ATP6V0D1: variants seen among roughly 807,000 people sequenced by gnomAD.
ATP6V0D1 encodes V-type proton ATPase subunit d 1.
Under a neutral mutation model 39.0 loss-of-function variants are expected in ATP6V0D1, and 13 were observed. The ratio of observed to expected loss-of-function variants is 0.33; its 90% CI spans 0.22 to 0.53. The LOEUF is 0.53. Among genes scored for constraint, ATP6V0D1 ranks in the 20% least tolerant of loss-of-function variants. The probability of loss-of-function intolerance (pLI) is 0.94; values close to 1 mark genes in which losing one functional copy is unlikely to be tolerated. For synonymous variants in ATP6V0D1, 191 were observed against 191.2 expected, an observed-to-expected ratio of 1.00 and a Z score of 0.01; for missense variants, 272 against 470.9, an observed-to-expected ratio of 0.58 and a Z score of 3.91.
At chr16:67,458,201 G>A (rs910118429) in intron 1 of ATP6V0D1, among the ~76,000 whole-genome samples, 1 of 152,222 alleles carries the variant, frequency 6.6e-6, no homozygotes. Flanking sequence ...GACAGTACTG[G>A]TCAGGCCTAG....
At chr16:67,462,119 T>A (rs549710625) in intron 1 of ATP6V0D1, among the ~76,000 whole-genome samples, 1 of 152,026 alleles carries the variant, frequency 6.6e-6, no homozygotes, top group Non-Finnish European at 1.5e-5. Context: ...TCTGACTGAG[T>A]GGAGATCCGC....
chr16:67,454,167 A>T (rs963717938), intron 1 of ATP6V0D1, among the ~76,000 whole-genome samples: 1 of 152,204 alleles, frequency 6.6e-6, no homozygotes, highest in African/African-American at 2.4e-5. Context: ...AGATGCCTGA[A>T]GCTGTGGGAG....
intron 1 of ATP6V0D1, among the ~76,000 whole-genome samples, chr16:67,458,203 C>T (rs2041257441): frequency 6.6e-6 from 1 of 152,240 alleles, no homozygotes; most frequent in African/African-American, 2.4e-5. Flanking sequence ...CAGTACTGGT[C>T]AGGCCTAGGA....
intron 2 of ATP6V0D1, among the ~76,000 whole-genome samples, chr16:67,451,149 C>T (rs1307882622): frequency 3.3e-5 from 5 of 152,112 alleles, no homozygotes; most frequent in African/African-American, 7.2e-5. Context: ...GCAAGGATGA[C>T]CCCCCACTCA....
chr16:67,453,627 C>G lies in ATP6V0D1; in HGVS notation c.219G>C (p.Arg73=), dbSNP rs769469110. 1 of 1,614,168 alleles carries G rather than the reference C, an allele frequency of 6.2e-7. No homozygotes were observed. Among genetic ancestry groups the G allele is most frequent in the Non-Finnish European group, 8.5e-7 (1 of 1,180,020 alleles). ...SPLTVSVIDD[R]LKEKMVVEFR... Reference sequence around the variant, plus strand: ...ACTCCACCACCATCTTCTCCTTGAGCCGGTCATCGATGACTGACACCGTCA... The same window carrying G: ...ACTCCACCACCATCTTCTCCTTGAGGCGGTCATCGATGACTGACACCGTCA... The change falls in exon 2 of 8, where the codon CGG becomes CGC. Residue 73 remains arginine, a synonymous_variant. Transcript: ENST00000290949. This position sits in a 1 kb window ranked among gnomAD's most constrained non-coding sequence, Gnocchi z 4.1.
intron 1 of ATP6V0D1, among the ~76,000 whole-genome samples, chr16:67,480,016 G>A: frequency 7.4e-6 from 1 of 134,402 alleles, no homozygotes; most frequent in Non-Finnish European, 1.5e-5. Flanking sequence ...CGGCTAAAAC[G>A]GTGAAACCCC....
chr16:67,446,395 G>A (rs2041115797), intron 2 of ATP6V0D1, among the ~76,000 whole-genome samples: 1 of 152,156 alleles, frequency 6.6e-6, no homozygotes, highest in African/African-American at 2.4e-5. Context: ...CCCCAATCTG[G>A]CTGGGTCAGC....
chr16:67,465,982 G>C (rs1441308939), intron 1 of ATP6V0D1, among the ~76,000 whole-genome samples: 1 of 152,112 alleles, frequency 6.6e-6, no homozygotes, highest in Non-Finnish European at 1.5e-5. Flanking sequence ...TGATCCTGGC[G>C]CACCCCCTTG....
chr16:67,476,443 T>A (rs2041415488), intron 1 of ATP6V0D1, among the ~76,000 whole-genome samples: 1 of 152,216 alleles, frequency 6.6e-6, no homozygotes, highest in Admixed American at 6.5e-5. Flanking sequence ...AAAACCTCAT[T>A]AGTCATTTTT....
At position 67,444,821 on chromosome 16, in the gene ATP6V0D1, G is replaced by A; in HGVS notation, c.303-115C>T. ...CCATCACCCCTTAACAATGTATGCT[G>A]ACTCATGGGTGCTGCGGATAAGCAC... On this transcript the variant is annotated intron_variant, in intron 2 of 7. Coordinates refer to ENST00000290949, the MANE Select transcript of ATP6V0D1 (RefSeq NM_004691.5). This position sits in a 1 kb window ranked among gnomAD's most constrained non-coding sequence, Gnocchi z 4.8. 1.0e-6 allele frequency: 1 copy of A among 975,344 alleles called. No homozygotes were observed. Among genetic ancestry groups the A allele is most frequent in the Non-Finnish European group, 1.5e-6 (1 of 681,494 alleles). The allele number at this position is 975,344 out of a possible 1,614,324, so 60.4% of individuals were successfully genotyped here. A position where few individuals can be genotyped will look rare whatever the true frequency, so the allele number is the denominator to read the frequency against.
At chr16:67,468,465 G>A (rs2041347502) in intron 1 of ATP6V0D1, among the ~76,000 whole-genome samples, 1 of 151,944 alleles carries the variant, frequency 6.6e-6, no homozygotes. Context: ...GTGCATGCCT[G>A]TAGCCCTACA....
chr16:67,464,428 G>A (rs1167743880), intron 1 of ATP6V0D1, among the ~76,000 whole-genome samples: 1 of 152,230 alleles, frequency 6.6e-6, no homozygotes. Flanking sequence ...CAGCTTCCCA[G>A]ATGAAGAGAG....
At position 67,447,272 on chromosome 16, in the gene ATP6V0D1, G is replaced by C. The variant is rs561730749; in HGVS notation, c.303-2566C>G. On this transcript the variant is annotated intron_variant, in intron 2 of 7. Transcript: ENST00000290949. The surrounding 1 kb of genome is among the most constrained non-coding windows in gnomAD (Gnocchi z 4.1). ...CCCTTGCCGGGCTGGCTATAAGCTT[G>C]TTGCTGCTGCAGCCCTGCTTTTCTC... is the stretch of plus-strand genomic sequence containing the variant. Among the ~76,000 whole-genome samples the C allele has an allele frequency of 1.3e-5, 2 of 152,374 alleles. No homozygotes were observed. Among genetic ancestry groups the C allele is most frequent in the African/African-American group, 4.8e-5 (2 of 41,596 alleles).
At chr16:67,478,076 G>A (rs1489933409) in intron 1 of ATP6V0D1, among the ~76,000 whole-genome samples, 1 of 152,190 alleles carries the variant, frequency 6.6e-6, no homozygotes, top group African/African-American at 2.4e-5. Flanking sequence ...TTCTGTCCTT[G>A]GTGCTGGGCT....
Position 67,438,471 on chromosome 16 carries a change from G to A in ATP6V0D1, c.*57C>T, listed in dbSNP as rs545786317. The stretch of plus-strand genomic sequence containing the variant: ...CACATACACACACACGCACACACAC[G>A]CGCACACACACACACACACACACAA... On this transcript the variant is annotated 3_prime_UTR_variant, in exon 8 of 8. Transcript: ENST00000290949. 188 of 1,522,776 alleles carry A rather than the reference G, an allele frequency of 1.2e-4. No individual in the cohort carries two copies. The highest frequency in any genetic ancestry group is 1.0e-3 in the South Asian group (87 of 84,340). The allele number at this position is 1,522,776 out of a possible 1,614,324, so 94.3% of individuals were successfully genotyped here.
chr16:67,475,644 C>T (rs1039914818), intron 1 of ATP6V0D1, among the ~76,000 whole-genome samples: 1 of 152,174 alleles, frequency 6.6e-6, no homozygotes, highest in Non-Finnish European at 1.5e-5. Context: ...TCAGGTAGAG[C>T]TCCTATTCCA....
In ATP6V0D1 at chr16:67,453,858, C is replaced by T; in HGVS notation, c.131-143G>A. On this transcript the variant is annotated intron_variant, in intron 1 of 7. Transcript: ENST00000290949. This position sits in a 1 kb window ranked among gnomAD's most constrained non-coding sequence, Gnocchi z 4.1. ...ACCCTGATCTCCATCTCCCTGTTGG[C>T]TCAGGGCCTACCACAGGGCAATCAG... 1.3e-6 allele frequency: 1 copy of T among 768,512 alleles called. No individual in the cohort carries two copies. The highest frequency in any genetic ancestry group is 2.1e-6 in the Non-Finnish European group (1 of 481,960). The allele number at this position is 768,512 out of a possible 1,614,324, so 47.6% of individuals were successfully genotyped here. A position where few individuals can be genotyped will look rare whatever the true frequency, so the allele number is the denominator to read the frequency against.
At chr16:67,480,550 G>A (rs2041460856) in intron 1 of ATP6V0D1, among the ~76,000 whole-genome samples, 1 of 152,132 alleles carries the variant, frequency 6.6e-6, no homozygotes, top group African/African-American at 2.4e-5. Context: ...CTTGGCGGGG[G>A]GAGGGGGAAG....
In ATP6V0D1 at chr16:67,439,673, T is replaced by A. The variant is rs1597566289; in HGVS notation, c.562-322A>T. The A allele has an allele frequency of 7.6e-6, 3 of 395,968 alleles. No individual in the cohort carries two copies. The East Asian group carries it at 1.4e-4, about 18-fold the overall frequency. 24.5% of individuals were successfully genotyped at this position (395,968 alleles called of 1,614,324 possible). A position where few individuals can be genotyped will look rare whatever the true frequency, so the allele number is the denominator to read the frequency against. ...CAGGGGTCCTCTGACTTTCCCCTGCTGCTCTGCCTTCCTTTTCCCCAAATC... is the reference window on the plus strand; with the variant it reads ...CAGGGGTCCTCTGACTTTCCCCTGCAGCTCTGCCTTCCTTTTCCCCAAATC... On this transcript the variant is annotated intron_variant, in intron 4 of 7. Coordinates refer to ENST00000290949, the MANE Select transcript of ATP6V0D1 (RefSeq NM_004691.5).
Sources: allele counts gnomAD v4.1 joint callset (sites outside exome capture counted in the v4.1 genomes callset), GRCh38; gene constraint gnomAD v4.1.1; non-coding constraint Gnocchi (gnomAD v3.1); transcripts MANE v1.5; gene names NCBI Gene and HGNC (gene_info 2026-07-23, HGNC 2026-07-21).